Variants in PC observed in about 807,000 individuals in gnomAD.
The protein encoded by PC is pyruvate carboxylase.
A neutral mutation model predicts 107.8 loss-of-function variants in PC; 46 were observed. The ratio of observed to expected loss-of-function variants is 0.43; its 90% CI spans 0.34 to 0.55. PC has a LOEUF of 0.55. Among genes scored for constraint, PC ranks in the 20% least tolerant of loss-of-function variants. The pLI, the probability that PC is intolerant of heterozygous loss-of-function variation, is 0.04. For missense variants in PC, 1,241 were observed against 1,643.1 expected (o/e 0.76, Z 4.23); for synonymous variants, 662 against 684.7 (o/e 0.97, Z 0.52).
intron 3 of PC, among the ~76,000 whole-genome samples, chr11:66,894,289 C>G (rs892796022): frequency 3.3e-5 from 5 of 152,222 alleles, no homozygotes; most frequent in Non-Finnish European, 5.9e-5. Flanking sequence ...CAGCTGCAGC[C>G]CAGCTGCCTC....
chr11:66,873,523 T>TA (rs1199302030), intron 3 of PC, among the ~76,000 whole-genome samples: 38 of 93,476 alleles, frequency 4.1e-4, no homozygotes, highest in African/African-American at 1.0e-3. Context: ...TTATATTATA[T>TA]ATTATAATAT....
chr11:66,902,435 A>AG (rs1947991907), intron 3 of PC, among the ~76,000 whole-genome samples: 1 of 152,162 alleles, frequency 6.6e-6, no homozygotes, highest in Non-Finnish European at 1.5e-5. Context: ...AGGGCTTGTA[A>AG]GGGGAATATT....
chr11:66,871,980 G>A lies in PC; in HGVS notation c.136+44C>T. ...TGAGTGGGAGAAGAATGCCAAGGCT[G>A]GGGCGGCCATGAGGCTCCTCTCACC... On this transcript the variant is annotated intron_variant, in intron 4 of 22. Transcript: ENST00000393960. The surrounding 1 kb of genome is among the most constrained non-coding windows in gnomAD (Gnocchi z 7.4). 6.4e-7 allele frequency: 1 copy of A among 1,558,780 alleles called. No homozygotes were observed. Among genetic ancestry groups the A allele is most frequent in the Non-Finnish European group, 8.7e-7 (1 of 1,151,374 alleles).
chr11:66,889,601 TGACCTCAA>T (rs1947495283), intron 3 of PC, among the ~76,000 whole-genome samples: 2 of 152,262 alleles, frequency 1.3e-5, no homozygotes, highest in African/African-American at 4.8e-5. Flanking sequence ...CTCCAACTCC[TGACCTCAA>T]GTGATCCGCC....
intron 3 of PC, among the ~76,000 whole-genome samples, chr11:66,875,768 C>A (rs1006559603): frequency 6.6e-6 from 1 of 152,080 alleles, no homozygotes; most frequent in African/African-American, 2.4e-5. Flanking sequence ...GGTAGAGTAA[C>A]CTTGCTGGAC....
At chr11:66,946,998 T>C (rs1949313572) in intron 3 of PC, among the ~76,000 whole-genome samples, 1 of 152,022 alleles carries the variant, frequency 6.6e-6, no homozygotes, top group African/African-American at 2.4e-5. Context: ...ATAGCCAGTG[T>C]TGGGGAGGAT....
intron 3 of PC, among the ~76,000 whole-genome samples, chr11:66,947,274 C>A (rs1266988888): frequency 6.6e-6 from 1 of 151,946 alleles, no homozygotes; most frequent in Non-Finnish European, 1.5e-5. Flanking sequence ...ACTGTAATAC[C>A]CATATAATGA....
chr11:66,933,245 G>A lies in PC; in HGVS notation c.-1+19185C>T, dbSNP rs374731947. On this transcript the variant is annotated intron_variant, in intron 3 of 22. Coordinates refer to ENST00000393960, the MANE Select transcript of PC (RefSeq NM_001040716.2). The stretch of plus-strand genomic sequence containing the variant: ...AGCCTACCACAGATGAGATGCAACT[G>A]TCTCACCCAGAAACCGTCAGATGAG... Among the ~76,000 whole-genome samples, 189 of 152,180 alleles carry A rather than the reference G, an allele frequency of 1.2e-3. 5 individuals are homozygous for A. In the South Asian group the frequency reaches 0.038, roughly 31 times the overall value.
rs2135941001 is a variant in PC at position 66,871,488 on chromosome 11, T to TG, written c.322-9dup. ...TGCATCTACGTTGTTCTCCTGCAGG[T>TG]GGGGGTCAGGGAGAGGACGGTACCT... On this transcript the variant is annotated splice_polypyrimidine_tract_variant and intron_variant, in intron 5 of 22. Coordinates refer to ENST00000393960, the MANE Select transcript of PC (RefSeq NM_001040716.2). The surrounding 1 kb of genome is among the most constrained non-coding windows in gnomAD (Gnocchi z 7.4). 6.2e-7 allele frequency: 1 copy of TG among 1,613,044 alleles called. No homozygotes were observed. Among genetic ancestry groups the TG allele is most frequent in the Non-Finnish European group, 8.5e-7 (1 of 1,179,970 alleles).
chr11:66,879,027 T>C (rs1192283826), intron 3 of PC, among the ~76,000 whole-genome samples: 1 of 152,176 alleles, frequency 6.6e-6, no homozygotes, highest in Non-Finnish European at 1.5e-5. Context: ...TAAAGCGCCA[T>C]GCCTGGGTGA....
At chr11:66,928,401 A>AC (rs1320790491) in intron 3 of PC, among the ~76,000 whole-genome samples, 1 of 151,626 alleles carries the variant, frequency 6.6e-6, no homozygotes, top group Non-Finnish European at 1.5e-5. Context: ...AAAAAAAAAA[A>AC]ACAAGAATCA....
At chr11:66,877,744 A>G (rs1433532761) in intron 3 of PC, among the ~76,000 whole-genome samples, 1 of 152,244 alleles carries the variant, frequency 6.6e-6, no homozygotes, top group Non-Finnish European at 1.5e-5. Flanking sequence ...ACCATTAACA[A>G]TAATGTGTTT....
At position 66,849,714 on chromosome 11, in the gene PC, T is replaced by A; in HGVS notation, c.3044A>T (p.Asp1015Val). The A allele has an allele frequency of 6.2e-7, 1 of 1,614,068 alleles. No individual in the cohort carries two copies. Among genetic ancestry groups the A allele is most frequent in the East Asian group, 2.2e-5 (1 of 44,876 alleles). ...EDVLSAAMYP[D>V]VFAHFKDFTA... Reference sequence around the variant, plus strand: ...GAAGTCCTTGAAGTGGGCAAACACATCGGGGTACATAGCTGCTGAGAGCAC... The same window carrying A: ...GAAGTCCTTGAAGTGGGCAAACACAACGGGGTACATAGCTGCTGAGAGCAC... The change falls in exon 21 of 23, where the codon GAT becomes GTT. Residue 1015 changes from aspartate (D) to valine (V), a missense_variant. Around this residue, in one of 2 missense-constraint regions of PC, gnomAD observed 1,143 missense variants for 1,551.9 expected, o/e 0.74. Transcript: ENST00000393960.
At chr11:66,950,270 T>C (rs1050766177) in intron 3 of PC, among the ~76,000 whole-genome samples, 3 of 152,100 alleles carry the variant, frequency 2.0e-5, no homozygotes, top group African/African-American at 7.2e-5. Flanking sequence ...CAAAGCCTCG[T>C]TGTGATGTCA....
At chr11:66,851,985 C>A (rs1469333307) in intron 15 of PC, 39 bp from the exon 16 acceptor site, 1 of 1,608,664 alleles carries the variant, frequency 6.2e-7, no homozygotes, top group Non-Finnish European at 8.5e-7. Flanking sequence ...GCTCTGCATG[C>A]CTGGGGAACT....
At chr11:66,873,470 TAA>T (rs1491450717) in intron 3 of PC, among the ~76,000 whole-genome samples, 1 of 76,850 alleles carries the variant, frequency 1.3e-5, no homozygotes, top group African/African-American at 5.2e-5. Flanking sequence ...ATATTATATA[TAA>T]TATAATATAT....
In PC at chr11:66,944,799, G is replaced by A; in HGVS notation, c.-1+7631C>T. Among the ~76,000 whole-genome samples the A allele has an allele frequency of 1.7e-5, 2 of 115,634 alleles. 1 individual carries two copies. The highest frequency in any genetic ancestry group is 3.8e-5 in the Non-Finnish European group (2 of 52,378). 75.9% of individuals were successfully genotyped at this position (115,634 alleles called of 152,430 possible). ...TTTTCTTGTCACTCTACAAACCTCTGCTCTTACTCACATTGGGCCACATGT... is the reference window on the plus strand; with the variant it reads ...TTTTCTTGTCACTCTACAAACCTCTACTCTTACTCACATTGGGCCACATGT... On this transcript the variant is annotated intron_variant, in intron 3 of 22. Transcript: ENST00000393960.
chr11:66,917,550 C>T (rs1948491797), intron 3 of PC, among the ~76,000 whole-genome samples: 1 of 152,190 alleles, frequency 6.6e-6, no homozygotes, highest in Admixed American at 6.5e-5. Context: ...CCAAGGAAAA[C>T]TAGAACCAGG....
At chr11:66,948,357 C>A (rs1156832513) in intron 3 of PC, among the ~76,000 whole-genome samples, 3 of 152,010 alleles carry the variant, frequency 2.0e-5, no homozygotes, top group African/African-American at 4.8e-5. Flanking sequence ...TGGAAACTAA[C>A]CTATAGTAAC....
Sources: allele counts gnomAD v4.1 joint callset (sites outside exome capture counted in the v4.1 genomes callset), GRCh38; gene constraint gnomAD v4.1.1; regional missense constraint gnomAD v4.1.1; non-coding constraint Gnocchi (gnomAD v3.1); transcripts MANE v1.5; gene names NCBI Gene and HGNC (gene_info 2026-07-23, HGNC 2026-07-21).